The following UTRN variants were observed in gnomAD, a reference collection of about 807,000 sequenced individuals.
UTRN encodes the protein dystrophin-related protein 1.
In UTRN, 283 loss-of-function variants were observed where a neutral mutation model predicts 463.9. The ratio of observed to expected loss-of-function variants is 0.61; its 90% CI spans 0.55 to 0.67. The LOEUF (loss-of-function observed/expected upper bound fraction) is 0.67. Ranked by LOEUF, UTRN falls within the 30% of genes least tolerant of loss-of-function variation. The pLI, the probability that UTRN is intolerant of heterozygous loss-of-function variation, is 0.00. For missense variants in UTRN, 3,922 were observed against 4,084.3 expected (o/e 0.96, Z 1.08); for synonymous variants, 1,442 against 1,431.5 (o/e 1.01, Z -0.17).
intron 60 of UTRN, among the ~76,000 whole-genome samples, chr6:144,776,299 G>A (rs138969358): frequency 1.3e-5 from 2 of 152,258 alleles, no homozygotes; most frequent in East Asian, 3.9e-4. Flanking sequence ...ATGATTGCCT[G>A]TAATAGCAGG....
At chr6:144,832,971 C>G (rs1302766834) in intron 69 of UTRN, among the ~76,000 whole-genome samples, 2 of 152,066 alleles carry the variant, frequency 1.3e-5, no homozygotes, top group East Asian at 1.9e-4. Context: ...AGGTGCCCAC[C>G]ACCAAGCCCA....
intron 54 of UTRN, among the ~76,000 whole-genome samples, chr6:144,738,215 C>G (rs1307303940): frequency 1.3e-5 from 2 of 152,168 alleles, no homozygotes; most frequent in Admixed American, 1.3e-4. Context: ...TCCTTGATCT[C>G]AATGTCTAGA....
At chr6:144,701,764 G>A (rs1022635012) in intron 53 of UTRN, among the ~76,000 whole-genome samples, 1 of 152,054 alleles carries the variant, frequency 6.6e-6, no homozygotes, top group Non-Finnish European at 1.5e-5. Context: ...GTAATAAGTT[G>A]CTTTAATACA....
At chr6:144,821,685 G>A (rs1358181315) in intron 66 of UTRN, among the ~76,000 whole-genome samples, 1 of 151,926 alleles carries the variant, frequency 6.6e-6, no homozygotes, top group Non-Finnish European at 1.5e-5. Context: ...ATGGCCTGAA[G>A]TGAAAAGAAA....
At chr6:144,454,077 G>C (rs1045723617) in intron 19 of UTRN, among the ~76,000 whole-genome samples, 1 of 152,114 alleles carries the variant, frequency 6.6e-6, no homozygotes, top group African/African-American at 2.4e-5. Context: ...AAGCAAAGTT[G>C]TTCTGATTTT....
rs368191428 is a variant in UTRN, at chr6:144,821,034, A to G, written c.9494+16A>G. ...ACTTAGAGACGTAAGTTTGATTTTA[A>G]TATTAAATCTAGTGTGAACATTTAT... On this transcript the variant is annotated intron_variant, in intron 66 of 74. Coordinates refer to ENST00000367545, the MANE Select transcript of UTRN (RefSeq NM_007124.3). The G allele has an allele frequency of 1.2e-4, 196 of 1,611,168 alleles. No individual in the cohort carries two copies. The highest frequency in any genetic ancestry group is 1.6e-4 in the Non-Finnish European group (186 of 1,178,994).
chr6:144,748,151 C>G (rs7756909), intron 54 of UTRN, 95 bp from the exon 55 acceptor site: 4 of 1,426,126 alleles, frequency 2.8e-6, no homozygotes, highest in Non-Finnish European at 3.7e-6. Flanking sequence ...ACTTTTTCTC[C>G]GTATTTCTCA....
intron 63 of UTRN, among the ~76,000 whole-genome samples, chr6:144,794,301 C>T (rs1430578782): frequency 6.6e-6 from 1 of 152,172 alleles, no homozygotes; most frequent in African/African-American, 2.4e-5. Flanking sequence ...TTTCCAGCTG[C>T]ACTGTTTTAT....
At chr6:144,586,249 A>G (rs1802450296) in intron 51 of UTRN, among the ~76,000 whole-genome samples, 1 of 152,088 alleles carries the variant, frequency 6.6e-6, no homozygotes, top group South Asian at 2.1e-4. Context: ...TCTCAGAGTT[A>G]AAATATACTC....
intron 65 of UTRN, among the ~76,000 whole-genome samples, chr6:144,812,460 A>G (rs1016869690): frequency 6.6e-5 from 10 of 152,184 alleles, no homozygotes; most frequent in African/African-American, 2.4e-4. Flanking sequence ...CCATGTATTA[A>G]TGCTTTTGAA....
At position 144,851,221 on chromosome 6, in the gene UTRN, T is replaced by A; in HGVS notation, c.*224T>A. 2 of 583,958 alleles carry A rather than the reference T, an allele frequency of 3.4e-6. No homozygotes were observed. Among genetic ancestry groups the A allele is most frequent in the Non-Finnish European group, 3.0e-6 (1 of 330,262 alleles). 36.2% of individuals were successfully genotyped at this position (583,958 alleles called of 1,614,324 possible). ...TATTATTGTTTTCTTCTTCCCTTTC[T>A]ATGCAAGTGTAAATTAATGAACAGA... is the stretch of plus-strand genomic sequence containing the variant. On this transcript the variant is annotated 3_prime_UTR_variant, in exon 75 of 75. Coordinates refer to ENST00000367545, the MANE Select transcript of UTRN (RefSeq NM_007124.3).
chr6:144,629,944 G>A (rs2128653669), intron 51 of UTRN, among the ~76,000 whole-genome samples: 1 of 152,278 alleles, frequency 6.6e-6, no homozygotes, highest in East Asian at 1.9e-4. Flanking sequence ...CCAGCACTTT[G>A]GGAGGCTGAA....
At position 144,487,332 on chromosome 6, in the gene UTRN, A is replaced by G. The variant is rs573237015; in HGVS notation, c.3823-216A>G. Among the ~76,000 whole-genome samples, 221 of 152,276 alleles carry G rather than the reference A, an allele frequency of 1.5e-3. 2 individuals are homozygous for G. Among genetic ancestry groups the G allele is most frequent in the African/African-American group, 4.8e-3 (201 of 41,548 alleles). ...GAAATTATTTTTGTGAAATTATATCATATATCACTTGTGCTAATTTCTCAA... is the reference window on the plus strand; with the variant it reads ...GAAATTATTTTTGTGAAATTATATCGTATATCACTTGTGCTAATTTCTCAA... On this transcript the variant is annotated intron_variant, in intron 28 of 74. Transcript: ENST00000367545.
chr6:144,296,649 A>G (rs1804735721), intron 2 of UTRN, among the ~76,000 whole-genome samples: 1 of 152,252 alleles, frequency 6.6e-6, no homozygotes, highest in Admixed American at 6.5e-5. Context: ...TGGAGTGCCC[A>G]GTCTCCTAAC....
intron 54 of UTRN, among the ~76,000 whole-genome samples, chr6:144,741,494 G>A (rs4130560): frequency 0.022 from 3,333 of 152,198 alleles, 52 homozygotes; most frequent in East Asian, 0.049. Flanking sequence ...TTACAAGGGG[G>A]GTGTTCTAGA....
At chr6:144,447,404 T>C in intron 15 of UTRN, 86 bp downstream of exon 15, 3 of 1,414,332 alleles carry the variant, frequency 2.1e-6, no homozygotes, top group Non-Finnish European at 2.9e-6. Context: ...ATTTAGTGAA[T>C]GCAGATTACA....
intron 51 of UTRN, among the ~76,000 whole-genome samples, chr6:144,640,180 C>T (rs1389270548): frequency 1.3e-5 from 2 of 152,058 alleles, no homozygotes; most frequent in African/African-American, 2.4e-5. Flanking sequence ...TAAGACATAT[C>T]GTGGAAACAT....
chr6:144,552,976 T>C (rs531551811), intron 48 of UTRN, among the ~76,000 whole-genome samples: 1 of 152,328 alleles, frequency 6.6e-6, no homozygotes, highest in Admixed American at 6.5e-5. Flanking sequence ...GATTGTCTCA[T>C]TGAGCAAGTT....
At position 144,551,038 on chromosome 6, in the gene UTRN, A is replaced by G. The variant is rs771037905; in HGVS notation, c.6884A>G (p.Asn2295Ser). The G allele has an allele frequency of 6.2e-7, 1 of 1,612,250 alleles. No homozygotes were observed. Among genetic ancestry groups the G allele is most frequent in the Non-Finnish European group, 8.5e-7 (1 of 1,179,526 alleles). ...TTTACATTGGCACAGAATTTGAAAA[A>G]TAAAGCTTCCAGTTCAGATATGAGA... ...YVFTLAQNLK[N>S]KASSSDMRTA... The change falls in exon 48 of 75, where the codon AAT becomes AGT. Residue 2295 changes from asparagine to serine, a missense_variant. Coordinates refer to ENST00000367545, the MANE Select transcript of UTRN (RefSeq NM_007124.3).
Sources: gnomAD v4.1 joint callset for allele counts (sites outside exome capture counted in the v4.1 genomes callset) on GRCh38, gnomAD v4.1.1 for gene constraint, MANE v1.5 for transcripts, NCBI Gene and HGNC (gene_info 2026-07-23, HGNC 2026-07-21) for gene names.